CLMN: variants seen among roughly 807,000 people sequenced by gnomAD.
CLMN encodes calmin, also known as calmin (calponin-like, transmembrane).
In CLMN, 57 loss-of-function variants were observed where a neutral mutation model predicts 92.7. The ratio of observed to expected loss-of-function variants is 0.61; its 90% CI spans 0.50 to 0.77. The LOEUF (loss-of-function observed/expected upper bound fraction) is 0.77. CLMN is among the 30% of genes least tolerant of loss of function. The pLI, the probability that CLMN is intolerant of heterozygous loss-of-function variation, is 0.00. For missense variants in CLMN, 1,158 were observed against 1,237.5 expected (o/e 0.94, Z 0.96); for synonymous variants, 466 against 470.6 (o/e 0.99, Z 0.13).
At position 95,217,535 on chromosome 14, in the gene CLMN, C is replaced by T. The variant is rs565916305; in HGVS notation, c.325-1802G>A. Reference sequence around the variant, plus strand: ...CAATACTGTGAATAACACAGTTGATCGGATTCAGGTTCAGTACTATCTCCG... The same window carrying T: ...CAATACTGTGAATAACACAGTTGATTGGATTCAGGTTCAGTACTATCTCCG... On this transcript the variant is annotated intron_variant, in intron 4 of 12. Coordinates refer to ENST00000298912, the MANE Select transcript of CLMN (RefSeq NM_024734.4). 3.9e-5 allele frequency among the ~76,000 whole-genome samples: 6 copies of T among 152,314 alleles called. No homozygotes were observed. In the South Asian group the frequency reaches 1.0e-3, roughly 26 times the overall value.
At chr14:95,222,748 C>G (rs1432722705) in intron 3 of CLMN, 2 of 350,962 alleles carry the variant, frequency 5.7e-6, no homozygotes, top group Non-Finnish European at 1.1e-5. Context: ...TACTGCGTAG[C>G]CCTCTGCGGG....
intron 1 of CLMN, among the ~76,000 whole-genome samples, chr14:95,283,945 T>C (rs7150936): frequency 0.65 from 98,154 of 152,056 alleles, 32,599 homozygotes; most frequent in Middle Eastern, 0.77. Context: ...CCCAAGGCCA[T>C]AGAGAAAGTG....
In CLMN at chr14:95,188,012, A is replaced by C. The variant is rs1309011977; in HGVS notation, c.*3552T>G. The C allele has an allele frequency of 2.6e-5, 4 of 152,214 alleles. No homozygotes were observed. The highest frequency in any genetic ancestry group is 2.6e-4 in the Admixed American group (4 of 15,280). 9.4% of individuals were successfully genotyped at this position (152,214 alleles called of 1,614,324 possible). A position where few individuals can be genotyped will look rare whatever the true frequency, so the allele number is the denominator to read the frequency against. ...TGTATGCCCGTTTCCCAGGAAGGAG[A>C]GTAGTGGGAATATCTCTCAAGAAAC... On this transcript the variant is annotated 3_prime_UTR_variant, in exon 13 of 13. Coordinates refer to ENST00000298912, the MANE Select transcript of CLMN (RefSeq NM_024734.4).
chr14:95,218,902 G>A (rs1897438118), intron 4 of CLMN, among the ~76,000 whole-genome samples: 5 of 152,226 alleles, frequency 3.3e-5, no homozygotes, highest in Admixed American at 2.6e-4. Context: ...AGAAGGCCAG[G>A]CCTTCCCAAG....
chr14:95,287,425 T>A (rs1238987718), intron 1 of CLMN, among the ~76,000 whole-genome samples: 2 of 152,220 alleles, frequency 1.3e-5, no homozygotes, highest in African/African-American at 4.8e-5. Context: ...ATCTCTGGGA[T>A]GCTGGATGCT....
intron 1 of CLMN, among the ~76,000 whole-genome samples, chr14:95,291,763 G>C (rs564749135): frequency 1.3e-5 from 2 of 152,294 alleles, no homozygotes; most frequent in South Asian, 4.1e-4. Context: ...GGTTCAGCAG[G>C]AGGTACCAAA....
At position 95,230,823 on chromosome 14, in the gene CLMN, C is replaced by T. The variant is rs377360913; in HGVS notation, c.83-690G>A. 3.9e-5 allele frequency among the ~76,000 whole-genome samples: 6 copies of T among 152,334 alleles called. No homozygotes were observed. In the South Asian group the frequency reaches 8.3e-4, roughly 21 times the overall value. On this transcript the variant is annotated intron_variant, in intron 1 of 12. Coordinates refer to ENST00000298912, the MANE Select transcript of CLMN (RefSeq NM_024734.4). ...TTCTTTGTAGCTATTATTTCTAGAG[C>T]CAGGGCAGACTTTGCACCCTCCAGG... is the stretch of plus-strand genomic sequence containing the variant.
chr14:95,254,308 G>A (rs907344372), intron 1 of CLMN, among the ~76,000 whole-genome samples: 1 of 152,184 alleles, frequency 6.6e-6, no homozygotes, highest in African/African-American at 2.4e-5. Context: ...CTGCTAGGAC[G>A]GCGGTTAGAA....
At chr14:95,225,362 C>T (rs932322907) in intron 2 of CLMN, among the ~76,000 whole-genome samples, 1 of 152,184 alleles carries the variant, frequency 6.6e-6, no homozygotes, top group African/African-American at 2.4e-5. Context: ...TGCACACTTG[C>T]ACAAAGATAG....
intron 1 of CLMN, among the ~76,000 whole-genome samples, chr14:95,239,461 A>T (rs758718976): frequency 6.6e-6 from 1 of 152,206 alleles, no homozygotes; most frequent in Non-Finnish European, 1.5e-5. Context: ...CCTGACCATG[A>T]TCCCTGGAGG....
At chr14:95,291,065 T>C (rs1418261674) in intron 1 of CLMN, among the ~76,000 whole-genome samples, 1 of 152,228 alleles carries the variant, frequency 6.6e-6, no homozygotes, top group African/African-American at 2.4e-5. Flanking sequence ...CGCTCTTCTG[T>C]CAAATTCTTA....
intron 1 of CLMN, among the ~76,000 whole-genome samples, chr14:95,237,998 A>T (rs1267484527): frequency 1.3e-5 from 2 of 152,204 alleles, no homozygotes; most frequent in Non-Finnish European, 2.9e-5. Flanking sequence ...ATGAAAAAAC[A>T]TCTTTCCTCT....
chr14:95,295,869 C>T (rs935552881), intron 1 of CLMN, among the ~76,000 whole-genome samples: 4 of 152,222 alleles, frequency 2.6e-5, no homozygotes, highest in Non-Finnish European at 4.4e-5. Flanking sequence ...TTGTTCATCT[C>T]CTCAGAGAGG....
At chr14:95,202,802 C>A in intron 9 of CLMN, 36 bp downstream of exon 9, 1 of 1,502,414 alleles carries the variant, frequency 6.7e-7, no homozygotes, top group Non-Finnish European at 8.9e-7. Context: ...GTTTCCCAGG[C>A]AGGACCCAGG....
chr14:95,244,078 G>A (rs529951709), intron 1 of CLMN, among the ~76,000 whole-genome samples: 6 of 152,050 alleles, frequency 3.9e-5, no homozygotes, highest in South Asian at 4.2e-4. Flanking sequence ...CTTCCCCTTC[G>A]CCTTCTACCA....
At chr14:95,310,842 G>A (rs1303582045) in intron 1 of CLMN, among the ~76,000 whole-genome samples, 7 of 152,226 alleles carry the variant, frequency 4.6e-5, no homozygotes, top group South Asian at 2.1e-4. Flanking sequence ...GGGCAAACCC[G>A]GAAGACACCT....
chr14:95,204,748 A>C (rs1897000729), intron 8 of CLMN, among the ~76,000 whole-genome samples: 1 of 152,226 alleles, frequency 6.6e-6, no homozygotes, highest in Non-Finnish European at 1.5e-5. Flanking sequence ...AACGAATCTC[A>C]ATGAAACCAA....
At chr14:95,223,470 A>G (rs1897611681) in intron 3 of CLMN, among the ~76,000 whole-genome samples, 1 of 148,368 alleles carries the variant, frequency 6.7e-6, no homozygotes. Flanking sequence ...TCTAGTTTAT[A>G]TAATGGCTGG....
intron 9 of CLMN, among the ~76,000 whole-genome samples, chr14:95,202,411 T>C (rs34452808): frequency 0.089 from 13,517 of 152,248 alleles, 802 homozygotes; most frequent in African/African-American, 0.16. Context: ...AATGTGTGTG[T>C]AACAGGATAA....
Sources: allele counts gnomAD v4.1 joint callset (sites outside exome capture counted in the v4.1 genomes callset), GRCh38; gene constraint gnomAD v4.1.1; transcripts MANE v1.5; gene names NCBI Gene and HGNC (gene_info 2026-07-23, HGNC 2026-07-21).